The following BPGM variants were observed in gnomAD, a reference collection of about 807,000 sequenced individuals.
The protein encoded by BPGM is bisphosphoglycerate mutase, also known as 2,3-bisphosphoglycerate mutase, erythrocyte.
A neutral mutation model predicts 21.6 loss-of-function variants in BPGM; 15 were observed. The observed-to-expected ratio is 0.70, with a 90% CI of 0.47 to 1.07. The LOEUF is 1.07. Ranked by LOEUF, BPGM falls within the 50% of genes least tolerant of loss-of-function variation. BPGM has a pLI of 0.00. For synonymous variants in BPGM, 113 were observed against 116.2 expected (o/e 0.97, Z 0.18); for missense variants, 273 against 319.0 (o/e 0.86, Z 1.10).
At chr7:134,652,437 TTTACCTCATGCATTTGTCTA>T (rs1795570821) in intron 1 of BPGM, among the ~76,000 whole-genome samples, 1 of 152,188 alleles carries the variant, frequency 6.6e-6, no homozygotes, top group African/African-American at 2.4e-5. Flanking sequence ...GAGTAATTGA[TTTACCTCATGCATTTGTCTA>T]TTACCTCATG....
intron 1 of BPGM, among the ~76,000 whole-genome samples, chr7:134,648,392 C>T (rs548084079): frequency 7.3e-4 from 111 of 152,276 alleles, no homozygotes; most frequent in African/African-American, 2.5e-3. Flanking sequence ...GCCTCGGCCT[C>T]CCAAAGTGCT....
intron 1 of BPGM, among the ~76,000 whole-genome samples, chr7:134,647,905 C>A (rs1407238714): frequency 2.0e-5 from 3 of 152,094 alleles, no homozygotes; most frequent in Non-Finnish European, 4.4e-5. Context: ...TCAAGTGATT[C>A]TCCTGCCTCA....
At chr7:134,665,941 G>A (rs1336214620) in intron 2 of BPGM, among the ~76,000 whole-genome samples, 2 of 151,616 alleles carry the variant, frequency 1.3e-5, no homozygotes, top group East Asian at 1.9e-4. Flanking sequence ...GCAGTGGTTC[G>A]ATCTTGGCCC....
At chr7:134,668,759 T>C (rs868792557) in intron 2 of BPGM, among the ~76,000 whole-genome samples, 7 of 152,210 alleles carry the variant, frequency 4.6e-5, no homozygotes, top group African/African-American at 1.7e-4. Context: ...AGAAGCAAAC[T>C]ATTGATACAC....
chr7:134,653,621 T>C (rs1795590250), intron 1 of BPGM, among the ~76,000 whole-genome samples: 1 of 152,180 alleles, frequency 6.6e-6, no homozygotes, highest in Non-Finnish European at 1.5e-5. Context: ...TTATACCCTA[T>C]ACTTACAGTG....
intron 2 of BPGM, among the ~76,000 whole-genome samples, chr7:134,672,676 A>C (rs1427096255): frequency 3.9e-5 from 6 of 152,168 alleles, no homozygotes; most frequent in Non-Finnish European, 8.8e-5. Context: ...AACTTGGATC[A>C]AAAATACTAC....
chr7:134,649,176 T>C (rs905982683), intron 1 of BPGM, among the ~76,000 whole-genome samples: 1 of 111,398 alleles, frequency 9.0e-6, no homozygotes. Context: ...ATTAAATTGT[T>C]TTTTTTTTTA....
chr7:134,668,709 T>C (rs1407464881), intron 2 of BPGM, among the ~76,000 whole-genome samples: 1 of 152,230 alleles, frequency 6.6e-6, no homozygotes. Context: ...CAATCATTGA[T>C]CACTAAGCTG....
intron 1 of BPGM, among the ~76,000 whole-genome samples, chr7:134,658,059 T>C (rs1795668408): frequency 2.6e-5 from 4 of 152,162 alleles, no homozygotes; most frequent in African/African-American, 9.7e-5. Context: ...TATACATTAG[T>C]TGCTAATATT....
intron 1 of BPGM, among the ~76,000 whole-genome samples, chr7:134,658,892 A>ATTTTTTTTATTTTTT (rs5741666): frequency 2.4e-4 from 35 of 143,900 alleles, no homozygotes; most frequent in African/African-American, 9.2e-4. Flanking sequence ...GTGTGTGTGT[A>ATTTTTTTTATTTTTT]TTTTTTTTTT....
At chr7:134,678,809 G>C in intron 2 of BPGM, 44 bp from the exon 3 acceptor site, 1 of 1,554,554 alleles carries the variant, frequency 6.4e-7, no homozygotes, top group Non-Finnish European at 8.9e-7. Flanking sequence ...ACTTCCTCCT[G>C]AGTTGTGTTT....
chr7:134,669,631 C>T (rs944361754), intron 2 of BPGM, among the ~76,000 whole-genome samples: 1 of 152,136 alleles, frequency 6.6e-6, no homozygotes, highest in African/African-American at 2.4e-5. Flanking sequence ...ATGTCAGTGC[C>T]TAAGACAGGC....
At position 134,661,972 on chromosome 7, in the gene BPGM, G is replaced by C. The variant is rs765416722; in HGVS notation, c.465G>C (p.Ser155=). The part of the protein sequence containing the change: ...CDVPLDQLPR[S]ESLKDVLERL... ...TGCCCTTGGATCAACTGCCACGGTC[G>C]GAAAGCTTAAAGGATGTTCTGGAGA... The change falls in exon 2 of 3, where the codon TCG becomes TCC. Residue 155 remains serine, a synonymous_variant. Coordinates refer to ENST00000344924, the MANE Select transcript of BPGM (RefSeq NM_001724.5). The surrounding 1 kb of genome is among the most constrained non-coding windows in gnomAD (Gnocchi z 4.6). The C allele has an allele frequency of 6.2e-7, 1 of 1,614,142 alleles. No individual in the cohort carries two copies. The highest frequency in any genetic ancestry group is 8.5e-7 in the Non-Finnish European group (1 of 1,180,010).
At chr7:134,677,681 G>A (rs1318014199) in intron 2 of BPGM, among the ~76,000 whole-genome samples, 1 of 152,150 alleles carries the variant, frequency 6.6e-6, no homozygotes, top group Non-Finnish European at 1.5e-5. Flanking sequence ...TTTCACCTAG[G>A]TCCTTTCTGT....
intron 2 of BPGM, among the ~76,000 whole-genome samples, chr7:134,669,667 C>T (rs897562771): frequency 2.0e-5 from 3 of 152,176 alleles, no homozygotes; most frequent in African/African-American, 7.2e-5. Flanking sequence ...GATGACCTCT[C>T]CCCTGTCAAA....
At chr7:134,665,172 G>C (rs13235205) in intron 2 of BPGM, among the ~76,000 whole-genome samples, 56 of 151,552 alleles carry the variant, frequency 3.7e-4, no homozygotes, top group Non-Finnish European at 2.1e-4. Flanking sequence ...AGAAAACAGT[G>C]GGGGGTGGCA....
At chr7:134,648,133 T>G (rs1017577548) in intron 1 of BPGM, among the ~76,000 whole-genome samples, 1 of 134,734 alleles carries the variant, frequency 7.4e-6, no homozygotes, top group Admixed American at 7.1e-5. Flanking sequence ...TTTGTTTTGG[T>G]TTTTTTTTTG....
intron 2 of BPGM, among the ~76,000 whole-genome samples, chr7:134,663,114 TTTCA>T (rs1405862942): frequency 3.2e-4 from 48 of 152,210 alleles, no homozygotes; most frequent in African/African-American, 1.2e-3. Context: ...CACCATTCGT[TTTCA>T]TTCTGCTTTA....
chr7:134,656,554 C>G (rs1160806842), intron 1 of BPGM, among the ~76,000 whole-genome samples: 3 of 152,164 alleles, frequency 2.0e-5, no homozygotes, highest in Non-Finnish European at 4.4e-5. Context: ...GGAAGGGAAG[C>G]AAACATGTCC....
Sources: allele counts gnomAD v4.1 joint callset (sites outside exome capture counted in the v4.1 genomes callset), GRCh38; gene constraint gnomAD v4.1.1; non-coding constraint Gnocchi (gnomAD v3.1); transcripts MANE v1.5; gene names NCBI Gene and HGNC (gene_info 2026-07-23, HGNC 2026-07-21).